KIZ: variants seen among roughly 807,000 people sequenced by gnomAD.
The protein encoded by KIZ is kizuna centrosomal protein, also known as centrosomal protein kizuna.
Under a neutral mutation model 79.6 loss-of-function variants are expected in KIZ, and 68 were observed. That is an observed-to-expected ratio of 0.85 (90% CI 0.70 to 1.05). The LOEUF is 1.05. Ranked by LOEUF, KIZ falls within the 50% of genes least tolerant of loss-of-function variation. The pLI is 0.00. For missense variants in KIZ, 797 were observed against 800.4 expected (o/e 1.00, Z 0.05); for synonymous variants, 280 against 281.8 (o/e 0.99, Z 0.06).
intron 6 of KIZ, among the ~76,000 whole-genome samples, chr20:21,192,011 C>G (rs996187757): frequency 6.6e-6 from 1 of 152,004 alleles, no homozygotes; most frequent in Admixed American, 6.6e-5. Context: ...CTTCTGCCGG[C>G]GGGGAGGGGT....
intron 4 of KIZ, among the ~76,000 whole-genome samples, chr20:21,152,078 C>T (rs769441285): frequency 6.6e-6 from 1 of 152,120 alleles, no homozygotes; most frequent in Non-Finnish European, 1.5e-5. Context: ...GAGTTGCTTA[C>T]AACATGCTCT....
At chr20:21,162,752 C>A in intron 5 of KIZ, 98 bp from the exon 6 acceptor site, 1 of 978,494 alleles carries the variant, frequency 1.0e-6, no homozygotes, top group South Asian at 1.7e-5. Context: ...GTGTGGGTTG[C>A]TTCTCCATGT....
At position 21,232,715 on chromosome 20, in the gene KIZ, A is replaced by C; in HGVS notation, c.1784-19A>C. 1 of 1,352,170 alleles carries C rather than the reference A, an allele frequency of 7.4e-7. No individual in the cohort carries two copies. The highest frequency in any genetic ancestry group is 1.0e-6 in the Non-Finnish European group (1 of 954,676). 83.8% of individuals were successfully genotyped at this position (1,352,170 alleles called of 1,614,324 possible). A position where few individuals can be genotyped will look rare whatever the true frequency, so the allele number is the denominator to read the frequency against. On this transcript the variant is annotated intron_variant, in intron 10 of 12. Coordinates refer to ENST00000619189, the MANE Select transcript of KIZ (RefSeq NM_018474.6). Reference sequence around the variant, plus strand: ...GCATGACAGCTAACCCTCACTCTCCATGTTTACGCTTATCACAGGTTTGAA... The same window carrying C: ...GCATGACAGCTAACCCTCACTCTCCCTGTTTACGCTTATCACAGGTTTGAA...
intron 9 of KIZ, among the ~76,000 whole-genome samples, chr20:21,224,677 A>T (rs1028892079): frequency 2.6e-5 from 4 of 151,846 alleles, no homozygotes; most frequent in Admixed American, 2.6e-4. Context: ...TTCATTAAGG[A>T]TTTCTGCAAA....
chr20:21,157,642 G>T (rs186396922), intron 4 of KIZ, among the ~76,000 whole-genome samples: 1 of 152,258 alleles, frequency 6.6e-6, no homozygotes, highest in Non-Finnish European at 1.5e-5. Flanking sequence ...CTTGGCTCTG[G>T]ATTCGTTGTT....
intron 6 of KIZ, among the ~76,000 whole-genome samples, chr20:21,181,206 C>T (rs2034640828): frequency 1.3e-5 from 2 of 152,122 alleles, no homozygotes; most frequent in African/African-American, 4.8e-5. Flanking sequence ...CCACTGTAGG[C>T]CCAGGGGATG....
In KIZ at chr20:21,170,452, G is replaced by A. The variant is rs189065297; in HGVS notation, c.1352+7293G>A. On this transcript the variant is annotated intron_variant, in intron 6 of 12. Transcript: ENST00000619189. ...CGCCCAGGCTGGAGTGCAGTGGCAC[G>A]ATCTCAGCTCACTGCAAGCTCCCCT... Among the ~76,000 whole-genome samples the A allele has an allele frequency of 1.7e-3, 260 of 149,112 alleles. 1 individual carries two copies. Among genetic ancestry groups the A allele is most frequent in the African/African-American group, 6.4e-3 (257 of 40,438 alleles).
intron 6 of KIZ, among the ~76,000 whole-genome samples, chr20:21,199,465 T>C (rs1600517946): frequency 6.6e-6 from 1 of 152,240 alleles, no homozygotes; most frequent in East Asian, 1.9e-4. Context: ...GCTGTATACA[T>C]TGTGACTGGG....
chr20:21,236,452 T>C (rs995551753), intron 11 of KIZ, among the ~76,000 whole-genome samples: 2 of 152,228 alleles, frequency 1.3e-5, no homozygotes, highest in African/African-American at 2.4e-5. Flanking sequence ...TTACAAATTT[T>C]AGAATTTGGA....
At chr20:21,215,721 A>G (rs1278924672) in intron 9 of KIZ, 73 bp downstream of exon 9, 9 of 1,048,958 alleles carry the variant, frequency 8.6e-6, no homozygotes, top group Non-Finnish European at 1.1e-5. Flanking sequence ...ATTTTGGGTC[A>G]GTGGTTTGTG....
chr20:21,142,373 G>A (rs1161333715), intron 3 of KIZ, among the ~76,000 whole-genome samples: 1 of 151,918 alleles, frequency 6.6e-6, no homozygotes, highest in Non-Finnish European at 1.5e-5. Flanking sequence ...CCATAATATG[G>A]CACATAATAA....
At chr20:21,166,640 G>A in intron 6 of KIZ, 1 of 807,808 alleles carries the variant, frequency 1.2e-6, no homozygotes, top group South Asian at 1.6e-5. Context: ...TTTTTTTTTG[G>A]AGAGACTTGG....
At chr20:21,149,363 G>A (rs1183818734) in intron 4 of KIZ, among the ~76,000 whole-genome samples, 1 of 151,868 alleles carries the variant, frequency 6.6e-6, no homozygotes, top group Non-Finnish European at 1.5e-5. Context: ...TATTTGAGCT[G>A]AATCAGGTGA....
chr20:21,133,187 A>G (rs1455611358), intron 2 of KIZ: 2 of 152,254 alleles, frequency 1.3e-5, no homozygotes, highest in African/African-American at 4.8e-5. Flanking sequence ...CTTTAAAGTC[A>G]AATTACCTAT....
At chr20:21,161,639 T>C (rs2033662447) in intron 4 of KIZ, among the ~76,000 whole-genome samples, 2 of 152,168 alleles carry the variant, frequency 1.3e-5, no homozygotes, top group Non-Finnish European at 2.9e-5. Context: ...GCTTACTTTC[T>C]TTACTATATT....
At chr20:21,186,755 G>T (rs1007638071) in intron 6 of KIZ, among the ~76,000 whole-genome samples, 1 of 151,846 alleles carries the variant, frequency 6.6e-6, no homozygotes, top group African/African-American at 2.4e-5. Flanking sequence ...AATCTAACAG[G>T]CTGTCCTAGG....
intron 9 of KIZ, among the ~76,000 whole-genome samples, chr20:21,222,295 A>C (rs899586992): frequency 6.6e-6 from 1 of 152,220 alleles, no homozygotes; most frequent in African/African-American, 2.4e-5. Flanking sequence ...GTAGAATCCC[A>C]TGTAGAGTTT....
At chr20:21,242,282 C>T (rs556481643) in intron 11 of KIZ, among the ~76,000 whole-genome samples, 127 of 152,294 alleles carry the variant, frequency 8.3e-4, no homozygotes, top group Non-Finnish European at 1.3e-3. Flanking sequence ...GGGGGATCCA[C>T]CTTGGAGGCA....
At chr20:21,209,144 C>T (rs1381718152) in intron 7 of KIZ, among the ~76,000 whole-genome samples, 2 of 152,104 alleles carry the variant, frequency 1.3e-5, no homozygotes, top group African/African-American at 4.8e-5. Context: ...GCTGTCAGCC[C>T]GAGTCAATCC....
Sources: allele counts gnomAD v4.1 joint callset (sites outside exome capture counted in the v4.1 genomes callset), GRCh38; gene constraint gnomAD v4.1.1; transcripts MANE v1.5; gene names NCBI Gene and HGNC (gene_info 2026-07-23, HGNC 2026-07-21).